Variants in CABIN1 observed in about 807,000 individuals in gnomAD.
CABIN1 encodes calcineurin-binding protein cabin-1.
In CABIN1, 133 loss-of-function variants were observed where a neutral mutation model predicts 227.7. That is an observed-to-expected ratio of 0.58 (90% CI 0.51 to 0.67). The LOEUF is 0.67. Among genes scored for constraint, CABIN1 ranks in the 30% least tolerant of loss-of-function variants. The pLI is 0.00. For missense variants in CABIN1, 2,408 were observed against 2,852.5 expected (o/e 0.84, Z 3.55); for synonymous variants, 1,086 against 1,155.1 (o/e 0.94, Z 1.21).
At chr22:24,048,988 C>T (rs527310483) in intron 6 of CABIN1, 103 bp from the exon 7 acceptor site, 9 of 1,325,294 alleles carry the variant, frequency 6.8e-6, no homozygotes, top group African/African-American at 1.4e-5. Context: ...TTTTACCAGG[C>T]ATTTCTTTGA....
At chr22:24,092,725 T>TGTGTGTGTGTGTG (rs1602036459) in intron 24 of CABIN1, among the ~76,000 whole-genome samples, 2 of 149,980 alleles carry the variant, frequency 1.3e-5, no homozygotes, top group African/African-American at 4.9e-5. Context: ...TGTGTGTGTG[T>TGTGTGTGTGTGTG]TTTAAAGAGA....
chr22:24,061,464 C>A (rs1241197570), intron 12 of CABIN1, among the ~76,000 whole-genome samples: 17 of 152,260 alleles, frequency 1.1e-4, no homozygotes. Context: ...CCATGCTCCC[C>A]TGGGGCAGTT....
At chr22:24,071,182 G>A (rs187924117) in intron 17 of CABIN1, 140 bp downstream of exon 17, 28 of 1,199,854 alleles carry the variant, frequency 2.3e-5, no homozygotes, top group East Asian at 2.0e-4. Flanking sequence ...TGGAACTTTC[G>A]GGATCTGAGG....
At chr22:24,072,003 T>A (rs1323045546) in intron 17 of CABIN1, among the ~76,000 whole-genome samples, 1 of 152,194 alleles carries the variant, frequency 6.6e-6, no homozygotes. Flanking sequence ...CTGTTCTCAT[T>A]GCAGCAGCCA....
intron 16 of CABIN1, among the ~76,000 whole-genome samples, chr22:24,068,465 A>G (rs1470443751): frequency 3.3e-5 from 5 of 152,224 alleles, no homozygotes; most frequent in African/African-American, 9.7e-5. Context: ...CTTCTAGAAC[A>G]GCTGGATGTG....
chr22:24,041,236 G>T lies in CABIN1; in HGVS notation c.308G>T (p.Arg103Leu), dbSNP rs377572494. 4 of 1,614,194 alleles carry T rather than the reference G, an allele frequency of 2.5e-6. No homozygotes were observed. Among genetic ancestry groups the T allele is most frequent in the Non-Finnish European group, 3.4e-6 (4 of 1,180,036 alleles). Reference sequence around the variant, plus strand: ...AACTTGGCCCAGCTGGCAGCCCAGCGGGAGGATCTGGAGACAGCCATGGAG... The same window carrying T: ...AACTTGGCCCAGCTGGCAGCCCAGCTGGAGGATCTGGAGACAGCCATGGAG... ...YKNLAQLAAQREDLETAMEFY... is the reference protein window; with the variant it reads ...YKNLAQLAAQLEDLETAMEFY... The change falls in exon 5 of 37, where the codon CGG becomes CTG. Residue 103 changes from arginine to leucine, a missense_variant. By Grantham distance (102) the Arg-to-Leu change is moderately radical. This residue lies in a region of CABIN1 where 1,045 missense variants were observed against 1,168.4 expected (regional missense o/e 0.89). Coordinates refer to ENST00000263119, the MANE Select transcript of CABIN1 (RefSeq NM_012295.4).
At chr22:24,082,176 A>C (rs1050041201) in intron 19 of CABIN1, among the ~76,000 whole-genome samples, 2 of 143,024 alleles carry the variant, frequency 1.4e-5, no homozygotes, top group Non-Finnish European at 1.5e-5. Context: ...TGCAGCCTGG[A>C]CCTCCTGGGC....
chr22:24,040,152 A>T (rs2037251532), intron 4 of CABIN1, among the ~76,000 whole-genome samples: 1 of 152,162 alleles, frequency 6.6e-6, no homozygotes, highest in African/African-American at 2.4e-5. Flanking sequence ...AGAGTTCTGT[A>T]CCTGGAGGGA....
intron 29 of CABIN1, among the ~76,000 whole-genome samples, chr22:24,159,337 C>T (rs1017194367): frequency 1.2e-4 from 18 of 152,364 alleles, no homozygotes; most frequent in Admixed American, 1.1e-3. Context: ...GCAGGCAGTG[C>T]CTGACCAGGC....
chr22:24,024,860 G>A (rs893875128), intron 1 of CABIN1, among the ~76,000 whole-genome samples: 7 of 151,946 alleles, frequency 4.6e-5, no homozygotes, highest in African/African-American at 1.7e-4. Flanking sequence ...TAGAATTTCT[G>A]TCTCTTTAGT....
At chr22:24,131,092 A>T (rs914988078) in intron 28 of CABIN1, among the ~76,000 whole-genome samples, 1 of 152,214 alleles carries the variant, frequency 6.6e-6, no homozygotes, top group African/African-American at 2.4e-5. Flanking sequence ...AGCAGAGTCT[A>T]TGTGACTCCA....
intron 7 of CABIN1, 62 bp downstream of exon 7, chr22:24,049,282 G>T: frequency 6.3e-7 from 1 of 1,588,546 alleles, no homozygotes; most frequent in Non-Finnish European, 8.6e-7. Flanking sequence ...TGAAGGTCAG[G>T]AGCACACCAC....
chr22:24,075,127 C>T (rs1457072870), intron 18 of CABIN1, among the ~76,000 whole-genome samples: 6 of 152,068 alleles, frequency 3.9e-5, no homozygotes, highest in Non-Finnish European at 5.9e-5. Flanking sequence ...GACTTGAGCC[C>T]AGGAGTTGGA....
At chr22:24,152,882 AGAGGTTGCAGT>A (rs1266266309) in intron 29 of CABIN1, among the ~76,000 whole-genome samples, 1 of 151,910 alleles carries the variant, frequency 6.6e-6, no homozygotes, top group Non-Finnish European at 1.5e-5. Context: ...CCCACGAGAC[AGAGGTTGCAGT>A]GAGCCAAGAT....
At chr22:24,055,859 C>G (rs960193251) in intron 9 of CABIN1, among the ~76,000 whole-genome samples, 4 of 152,208 alleles carry the variant, frequency 2.6e-5, no homozygotes, top group South Asian at 2.1e-4. Context: ...GCCACTCACT[C>G]TGTCCGTTCT....
At chr22:24,135,419 G>C (rs1018088970) in intron 29 of CABIN1, among the ~76,000 whole-genome samples, 2 of 152,092 alleles carry the variant, frequency 1.3e-5, no homozygotes, top group African/African-American at 4.8e-5. Context: ...CCAATATTGG[G>C]CTTTTAGTGA....
At position 24,049,239 on chromosome 22, in the gene CABIN1, C is replaced by A. The variant is rs191319569; in HGVS notation, c.656+19C>A. 12 of 1,611,842 alleles carry A rather than the reference C, an allele frequency of 7.4e-6. No individual in the cohort carries two copies. The African/African-American group carries it at 1.6e-4, about 21-fold the overall frequency. ...TCAAATGGTAAGTCCTGCCTCTTCCCATGCCATGTGTGCACGCTTACTGTG... is the reference window on the plus strand; with the variant it reads ...TCAAATGGTAAGTCCTGCCTCTTCCAATGCCATGTGTGCACGCTTACTGTG... On this transcript the variant is annotated intron_variant, in intron 7 of 36. Transcript: ENST00000263119.
At chr22:24,088,465 A>G (rs1194125114) in intron 23 of CABIN1, among the ~76,000 whole-genome samples, 1 of 152,102 alleles carries the variant, frequency 6.6e-6, no homozygotes, top group African/African-American at 2.4e-5. Flanking sequence ...AAAATTAGCC[A>G]GGCATGGTGG....
chr22:24,105,488 C>T (rs1240200902), intron 26 of CABIN1, among the ~76,000 whole-genome samples: 1 of 152,198 alleles, frequency 6.6e-6, no homozygotes, highest in Non-Finnish European at 1.5e-5. Flanking sequence ...GCAAGGCCAA[C>T]CTATAGCCTG....
Sources: gnomAD v4.1 joint callset for allele counts (sites outside exome capture counted in the v4.1 genomes callset) on GRCh38, gnomAD v4.1.1 for gene constraint, gnomAD v4.1.1 regional missense constraint, MANE v1.5 for transcripts, NCBI Gene and HGNC (gene_info 2026-07-23, HGNC 2026-07-21) for gene names.